SHOX2: variants seen among roughly 807,000 people sequenced by gnomAD.
The protein encoded by SHOX2 is SHOX homeobox 2.
Under a neutral mutation model 31.3 loss-of-function variants are expected in SHOX2, and 13 were observed. The observed-to-expected ratio is 0.42, with a 90% CI of 0.27 to 0.66. SHOX2 has a LOEUF of 0.66. Ranked by LOEUF, SHOX2 falls within the 30% of genes least tolerant of loss-of-function variation. The probability of loss-of-function intolerance (pLI) is 0.27; values close to 1 mark genes in which losing one functional copy is unlikely to be tolerated. For synonymous variants in SHOX2, 244 were observed against 196.2 expected, an observed-to-expected ratio of 1.24 and a Z score of -2.04; for missense variants, 473 against 443.0, an observed-to-expected ratio of 1.07 and a Z score of -0.61.
At chr3:158,105,267 G>C in intron 1 of SHOX2, 1 of 645,536 alleles carries the variant, frequency 1.5e-6, no homozygotes, top group Non-Finnish European at 2.8e-6. Flanking sequence ...TCTCCCTCCC[G>C]GCAAACTCTG....
rs1608116 is a variant in SHOX2, at chr3:158,097,691, C to T, written c.*336G>A. The T allele has an allele frequency of 0.88, 237,275 of 268,236 alleles. 105,278 individuals are homozygous for T. The highest frequency in any genetic ancestry group is 0.99 in the East Asian group (14,683 of 14,816). 16.6% of individuals were successfully genotyped at this position (268,236 alleles called of 1,614,324 possible). A position where few individuals can be genotyped will look rare whatever the true frequency, so the allele number is the denominator to read the frequency against. ...TTTTCTATGCAAGAGTCCATCGTTG[C>T]AGCTTTGCGGTGAGCCAAACTCCGC... On this transcript the variant is annotated 3_prime_UTR_variant, in exon 5 of 5. Transcript: ENST00000483851.
At position 158,098,101 on chromosome 3, in the gene SHOX2, T is replaced by C; in HGVS notation, c.886A>G (p.Thr296Ala). 1 of 1,612,674 alleles carries C rather than the reference T, an allele frequency of 6.2e-7. No individual in the cohort carries two copies. The highest frequency in any genetic ancestry group is 8.5e-7 in the Non-Finnish European group (1 of 1,179,326). ...GCGATGCTGGAGTTCTTGCTGGTGG[T>C]CTTGGCGGCTGCTGCGGCCGCCACT... ...SVVAAAAAAKTTSKNSSIADL... is the reference protein window; with the variant it reads ...SVVAAAAAAKATSKNSSIADL... The change falls in exon 5 of 5, where the codon ACC becomes GCC. Residue 296 changes from threonine to alanine, a missense_variant. Transcript: ENST00000483851.
intron 2 of SHOX2, among the ~76,000 whole-genome samples, chr3:158,101,927 C>T (rs377625318): frequency 6.6e-6 from 1 of 152,274 alleles, no homozygotes; most frequent in African/African-American, 2.4e-5. Context: ...TTTGCCTCCA[C>T]AACCAATAAA....
At position 158,098,040 on chromosome 3, in the gene SHOX2, G is replaced by T. The variant is rs774402186; in HGVS notation, c.947C>A (p.Ala316Asp). Reference protein sequence around the residue: ...LRLKAKKHAAALGL With the variant: ...LRLKAKKHAADLGL ...CTGGCGTTGGCGTCACAGACCCAGGGCTGCGGCGTGCTTTTTGGCTTTCAG... is the reference window on the plus strand; with the variant it reads ...CTGGCGTTGGCGTCACAGACCCAGGTCTGCGGCGTGCTTTTTGGCTTTCAG... The change falls in exon 5 of 5, where the codon GCC becomes GAC. Residue 316 changes from alanine (A) to aspartate (D), a missense_variant. By Grantham distance (126) the Ala-to-Asp change is moderately radical. Transcript: ENST00000483851. The T allele has an allele frequency of 5.0e-6, 8 of 1,603,022 alleles. No individual in the cohort carries two copies. Among genetic ancestry groups the T allele is most frequent in the Non-Finnish European group, 8.5e-7 (1 of 1,173,454 alleles).
Position 158,098,128 on chromosome 3 carries a change from C to T in SHOX2, c.859G>A (p.Val287Ile), listed in dbSNP as rs530957749. The T allele has an allele frequency of 1.9e-6, 3 of 1,613,322 alleles. No individual in the cohort carries two copies. The African/African-American group carries it at 4.0e-5, about 21-fold the overall frequency. The change falls in exon 5 of 5, where the codon GTA (valine) becomes ATA (isoleucine). Residue 287 changes from valine (V) to isoleucine (I), a missense_variant. Physicochemically the swap from Val to Ile is conservative, Grantham distance 29. Around this residue, in one of 3 missense-constraint regions of SHOX2, gnomAD observed 182 missense variants for 167.2 expected, o/e 1.09. Coordinates refer to ENST00000483851, the MANE Select transcript of SHOX2 (RefSeq NM_001163678.2). ...LAADSASAAS[V>I]VAAAAAAKTT... is the part of the protein sequence containing the mutation. ...TTGGCGGCTGCTGCGGCCGCCACTA[C>T]CGAGGCGGCGGAAGCCGAATCCGCG...
intron 1 of SHOX2, among the ~76,000 whole-genome samples, chr3:158,104,798 A>T (rs190414209): frequency 6.6e-6 from 1 of 152,350 alleles, no homozygotes; most frequent in Non-Finnish European, 1.5e-5. Flanking sequence ...CGCATGCCAC[A>T]TATTTTCTTA....
rs1713388460 is a variant in SHOX2, at chr3:158,099,953, A to G, written c.614-5T>C. ...TGGCGGCCCCTATGAGAACACCTGT[A>G]AAAAGTACAAGAGAAAAATAATGTG... On this transcript the variant is annotated splice_region_variant and splice_polypyrimidine_tract_variant and intron_variant, in intron 3 of 4. Transcript: ENST00000483851. The G allele has an allele frequency of 1.2e-6, 2 of 1,612,466 alleles. No homozygotes were observed. The highest frequency in any genetic ancestry group is 8.5e-7 in the Non-Finnish European group (1 of 1,178,446).
intron 2 of SHOX2, among the ~76,000 whole-genome samples, chr3:158,102,347 T>A (rs998464862): frequency 6.6e-6 from 1 of 152,136 alleles, no homozygotes; most frequent in Non-Finnish European, 1.5e-5. Context: ...GATTTTTTTT[T>A]AAGCCTTATA....
rs1713916642 is a variant in SHOX2 at position 158,106,124 on chromosome 3, A to C, written c.-100T>G. ...CTGCTCCAGCCCCCCCAATAATAAC[A>C]CATCAATGGGACAGGAGGTGGGGGA... is the stretch of plus-strand genomic sequence containing the variant. On this transcript the variant is annotated 5_prime_UTR_variant, in exon 1 of 5. Coordinates refer to ENST00000483851, the MANE Select transcript of SHOX2 (RefSeq NM_001163678.2). The C allele has an allele frequency of 5.9e-6, 9 of 1,537,386 alleles. No individual in the cohort carries two copies. The East Asian group carries it at 1.0e-4, about 18-fold the overall frequency.
chr3:158,105,332 C>G lies in SHOX2; in HGVS notation c.346+347G>C, dbSNP rs1472847396. On this transcript the variant is annotated intron_variant, in intron 1 of 4. Coordinates refer to ENST00000483851, the MANE Select transcript of SHOX2 (RefSeq NM_001163678.2). ...TGGTTCAGCACCCCCTCCTGCAGCC[C>G]GGCCCCGCGAACTTCCACGTCCGCC... 6.8e-6 allele frequency: 4 copies of G among 591,496 alleles called. No individual in the cohort carries two copies. The East Asian group carries it at 1.1e-4, about 17-fold the overall frequency. 36.6% of individuals were successfully genotyped at this position (591,496 alleles called of 1,614,324 possible).
At chr3:158,103,696 G>C (rs1038244424) in intron 1 of SHOX2, 1 of 152,366 alleles carries the variant, frequency 6.6e-6, no homozygotes, top group African/African-American at 2.4e-5. Context: ...CTCCGGTGGC[G>C]GGCGAAAGCA....
In SHOX2 at chr3:158,106,372, T is replaced by G. The variant is rs1713939458; in HGVS notation, c.-348A>C. On this transcript the variant is annotated 5_prime_UTR_variant, in exon 1 of 5. Coordinates refer to ENST00000483851, the MANE Select transcript of SHOX2 (RefSeq NM_001163678.2). ...TCCCTGCCGGAGCGCGCTTGTTCAA[T>G]GTTAAGATCTTTGACAATTCTTCCT... 3.1e-6 allele frequency: 1 copy of G among 325,012 alleles called. No individual in the cohort carries two copies. Among genetic ancestry groups the G allele is most frequent in the Non-Finnish European group, 5.7e-6 (1 of 176,148 alleles). 20.1% of individuals were successfully genotyped at this position (325,012 alleles called of 1,614,324 possible).
chr3:158,103,097 G>C, intron 1 of SHOX2: 1 of 607,420 alleles, frequency 1.6e-6, no homozygotes, highest in Admixed American at 2.8e-5. Context: ...GGTCAAGTCT[G>C]AGCGGCCGCC....
intron 4 of SHOX2, 50 bp downstream of exon 4, chr3:158,099,810 A>G: frequency 3.0e-6 from 4 of 1,337,256 alleles, no homozygotes; most frequent in Non-Finnish European, 4.3e-6. Flanking sequence ...TCAAGCAAAC[A>G]TTCAGGTATT....
At position 158,099,876 on chromosome 3, in the gene SHOX2, C is replaced by T. The variant is rs755053401; in HGVS notation, c.686G>A (p.Arg229Lys). The T allele has an allele frequency of 1.2e-6, 2 of 1,614,026 alleles. No individual in the cohort carries two copies. Among genetic ancestry groups the T allele is most frequent in the Non-Finnish European group, 8.5e-7 (1 of 1,179,938 alleles). Residue 229 changes from arginine to lysine, a missense_variant, in exon 4 of 5, where the codon AGG (arginine) becomes AAG (lysine). This residue lies in a region of SHOX2 where 182 missense variants were observed against 167.2 expected (regional missense o/e 1.09). Coordinates refer to ENST00000483851, the MANE Select transcript of SHOX2 (RefSeq NM_001163678.2). ...TGTACTTGCCTGCTGAAATGGCATC[C>T]TTAAAGCACCTACGTTGACATAAGG... ...VAPYVNVGAL[R>K]MPFQQVQAQL...
At chr3:158,104,331 T>C in intron 1 of SHOX2, among the ~76,000 whole-genome samples, 1 of 152,222 alleles carries the variant, frequency 6.6e-6, no homozygotes, top group East Asian at 1.9e-4. Flanking sequence ...ACTTTACAAA[T>C]TTAGGAAGAC....
Position 158,106,227 on chromosome 3 carries a change from AAGT to A in SHOX2, c.-206_-204del. 1 of 793,028 alleles carries A rather than the reference AAGT, an allele frequency of 1.3e-6. No individual in the cohort carries two copies. The highest frequency in any genetic ancestry group is 3.3e-4 in the Middle Eastern group (1 of 3,014). 49.1% of individuals were successfully genotyped at this position (793,028 alleles called of 1,614,324 possible). The stretch of plus-strand genomic sequence containing the variant: ...GGAGGAGAAGTAGAAGGAGAAAAAG[AAGT>A]AAGAAGAGGAGGAGGAGGAAGAAGA... On this transcript the variant is annotated 5_prime_UTR_variant, in exon 1 of 5. Transcript: ENST00000483851.
Position 158,105,789 on chromosome 3 carries a change from C to G in SHOX2, c.236G>C (p.Gly79Ala). The change falls in exon 1 of 5, where the codon GGA becomes GCA. Residue 79 changes from glycine (G) to alanine (A), a missense_variant. By Grantham distance (60) the Gly-to-Ala change is moderately conservative. Around this residue, in one of 3 missense-constraint regions of SHOX2, gnomAD observed 276 missense variants for 230.0 expected, o/e 1.20. Transcript: ENST00000483851. ...AGCTCCTCCGCCTGCTCCTCCTCCT[C>G]CTACACCTCCTCCGCCTCCTCCGCC... ...GGGGGGGGGV[G>A]GGGAGGGAGG... The G allele has an allele frequency of 6.7e-7, 1 of 1,496,390 alleles. No homozygotes were observed. The highest frequency in any genetic ancestry group is 8.9e-7 in the Non-Finnish European group (1 of 1,125,826). The allele number at this position is 1,496,390 out of a possible 1,614,324, so 92.7% of individuals were successfully genotyped here.
rs928843008 is a variant in SHOX2, at chr3:158,096,830, G to C, written c.*1197C>G. On this transcript the variant is annotated 3_prime_UTR_variant, in exon 5 of 5. Transcript: ENST00000483851. ...CACCTCTGTCTTCTTAGGACAATGA[G>C]TGTAATTTTTTCCCTTTCTGACTTT... 4 of 140,920 alleles carry C rather than the reference G, an allele frequency of 2.8e-5. No individual in the cohort carries two copies. Among genetic ancestry groups the C allele is most frequent in the Non-Finnish European group, 6.1e-5 (4 of 65,802 alleles). 8.7% of individuals were successfully genotyped at this position (140,920 alleles called of 1,614,324 possible). A position where few individuals can be genotyped will look rare whatever the true frequency, so the allele number is the denominator to read the frequency against.
Sources: gnomAD v4.1 joint callset for allele counts (sites outside exome capture counted in the v4.1 genomes callset) on GRCh38, gnomAD v4.1.1 for gene constraint, gnomAD v4.1.1 regional missense constraint, MANE v1.5 for transcripts, NCBI Gene and HGNC (gene_info 2026-07-23, HGNC 2026-07-21) for gene names.